The following INPP5D variants were observed in gnomAD, a reference collection of about 807,000 sequenced individuals.
The protein encoded by INPP5D is inositol polyphosphate-5-phosphatase D.
A neutral mutation model predicts 122.9 loss-of-function variants in INPP5D; 33 were observed. That is an observed-to-expected ratio of 0.27 (90% CI 0.20 to 0.36). The LOEUF is 0.36. Ranked by LOEUF, INPP5D falls within the 10% of genes least tolerant of loss-of-function variation. The pLI, the probability that INPP5D is intolerant of heterozygous loss-of-function variation, is 1.00. For missense variants in INPP5D, 1,053 were observed against 1,412.7 expected, an observed-to-expected ratio of 0.75 and a Z score of 4.08; for synonymous variants, 584 against 576.2, an observed-to-expected ratio of 1.01 and a Z score of -0.19.
chr2:233,198,034 C>G, intron 24 of INPP5D, 61 bp from the exon 25 acceptor site: 1 of 1,473,704 alleles, frequency 6.8e-7, no homozygotes, highest in Non-Finnish European at 9.0e-7. Context: ...TTTCCTTGGG[C>G]TGGTGCTGAC....
chr2:233,131,148 C>A (rs1693315023), intron 5 of INPP5D: 1 of 978,746 alleles, frequency 1.0e-6, no homozygotes, highest in Non-Finnish European at 1.2e-6. Flanking sequence ...ATGTCCGATC[C>A]ATTGAATGAC....
chr2:233,082,659 T>C lies in INPP5D; in HGVS notation c.198+3261T>C, dbSNP rs1691720528. On this transcript the variant is annotated intron_variant, in intron 2 of 26. Transcript: ENST00000445964. The surrounding 1 kb of genome is among the most constrained non-coding windows in gnomAD (Gnocchi z 4.7). ...GAGTTGGCCCACGTGTCATAGCCCA[T>C]GACAGCCCTGTATCAATCAGGGAGA... Among the ~76,000 whole-genome samples the C allele has an allele frequency of 6.6e-6, 1 of 152,166 alleles. No individual in the cohort carries two copies. The highest frequency in any genetic ancestry group is 2.1e-4 in the South Asian group (1 of 4,820).
At chr2:233,178,871 T>C (rs1437771476) in intron 18 of INPP5D, among the ~76,000 whole-genome samples, 2 of 151,674 alleles carry the variant, frequency 1.3e-5, no homozygotes, top group Non-Finnish European at 2.9e-5. Flanking sequence ...AGGAGAGGGG[T>C]GGGGGAATGC....
At chr2:233,114,341 G>T (rs1159889082) in intron 2 of INPP5D, among the ~76,000 whole-genome samples, 1 of 152,232 alleles carries the variant, frequency 6.6e-6, no homozygotes, top group Non-Finnish European at 1.5e-5. Context: ...ATTTGGGGGA[G>T]AGGAGGTGGT....
At chr2:233,097,853 T>A (rs1692190107) in intron 2 of INPP5D, among the ~76,000 whole-genome samples, 1 of 152,030 alleles carries the variant, frequency 6.6e-6, no homozygotes, top group South Asian at 2.1e-4. Flanking sequence ...CGTGCAATGC[T>A]GCAGATCAGT....
chr2:233,167,212 A>AAAG (rs1228114562), intron 13 of INPP5D, among the ~76,000 whole-genome samples: 1 of 150,810 alleles, frequency 6.6e-6, no homozygotes, highest in Non-Finnish European at 1.5e-5. Context: ...TTCTACAAAA[A>AAAG]AAAAAAAAAA....
Position 233,125,903 on chromosome 2 carries a change from A to T in INPP5D, c.508A>T (p.Ser170Cys). 1.9e-6 allele frequency: 3 copies of T among 1,613,680 alleles called. No homozygotes were observed. Among genetic ancestry groups the T allele is most frequent in the Non-Finnish European group, 2.5e-6 (3 of 1,179,792 alleles). Residue 170 changes from serine to cysteine, a missense_variant, in exon 4 of 27, where the codon AGC becomes TGC. Ser to Cys is a moderately radical substitution (Grantham distance 112). Transcript: ENST00000445964. ...LSETLFQRLQ[S>C]MDTSGLPEEH... Reference sequence around the variant, plus strand: ...CGAGACATTGTTCCAGCGACTGCAAAGCATGGACACCAGTGGGTGAGTCCC... The same window carrying T: ...CGAGACATTGTTCCAGCGACTGCAATGCATGGACACCAGTGGGTGAGTCCC...
At chr2:233,096,600 C>T (rs563913609) in intron 2 of INPP5D, among the ~76,000 whole-genome samples, 14 of 151,772 alleles carry the variant, frequency 9.2e-5, no homozygotes, top group African/African-American at 2.4e-4. Flanking sequence ...TGCAGCGAGC[C>T]GAGATCACAC....
At position 233,206,507 on chromosome 2, in the gene INPP5D, A is replaced by G. The variant is rs1291004626; in HGVS notation, c.3568-199A>G. Among the ~76,000 whole-genome samples, 1 of 152,178 alleles carries G rather than the reference A, an allele frequency of 6.6e-6. No homozygotes were observed. The highest frequency in any genetic ancestry group is 2.4e-5 in the African/African-American group (1 of 41,442). The stretch of plus-strand genomic sequence containing the variant: ...GCACCACTGCACTCCAGACTAGGCA[A>G]CAGAGTAAGACCCCATTTCTAAAAA... On this transcript the variant is annotated intron_variant, in intron 26 of 26. Transcript: ENST00000445964. The surrounding 1 kb of genome is among the most constrained non-coding windows in gnomAD (Gnocchi z 4.0).
chr2:233,167,566 G>A (rs902243186), intron 13 of INPP5D, among the ~76,000 whole-genome samples: 1 of 152,166 alleles, frequency 6.6e-6, no homozygotes, highest in Non-Finnish European at 1.5e-5. Flanking sequence ...GTTGCGGGCA[G>A]AGGGGCAGGG....
intron 2 of INPP5D, among the ~76,000 whole-genome samples, chr2:233,108,757 G>A (rs566810476): frequency 1.3e-5 from 2 of 152,248 alleles, no homozygotes; most frequent in South Asian, 2.1e-4. Flanking sequence ...AGGGCAGCAC[G>A]GGGCACCGTT....
chr2:233,190,022 A>G, intron 22 of INPP5D, 85 bp downstream of exon 22: 2 of 1,548,760 alleles, frequency 1.3e-6, no homozygotes, highest in Non-Finnish European at 8.7e-7. Flanking sequence ...CTCACCTGGC[A>G]CTTCCGGTCA....
intron 10 of INPP5D, among the ~76,000 whole-genome samples, chr2:233,159,345 A>C (rs1437245937): frequency 6.6e-6 from 1 of 152,240 alleles, no homozygotes; most frequent in Non-Finnish European, 1.5e-5. Context: ...CGTGTGAGGC[A>C]GTAAAAATGG....
intron 9 of INPP5D, among the ~76,000 whole-genome samples, chr2:233,149,100 CTTT>C (rs556971192): frequency 0.027 from 2,817 of 106,010 alleles, 64 homozygotes; most frequent in African/African-American, 0.1. Context: ...TGATCAGCAC[CTTT>C]TTTTTTTTTT....
intron 26 of INPP5D, 31 bp downstream of exon 26, chr2:233,204,748 A>T: frequency 2.1e-6 from 3 of 1,445,682 alleles, no homozygotes; most frequent in Non-Finnish European, 2.7e-6. Flanking sequence ...GTTCGTGTGC[A>T]TTTGTGTGTG....
chr2:233,205,269 T>A (rs1322710131), intron 26 of INPP5D: 1 of 138,540 alleles, frequency 7.2e-6, no homozygotes, highest in Non-Finnish European at 1.5e-5. Flanking sequence ...CGCTTGAACC[T>A]GGGAGGCAGA....
At chr2:233,086,252 C>T (rs912241813) in intron 2 of INPP5D, among the ~76,000 whole-genome samples, 1 of 150,936 alleles carries the variant, frequency 6.6e-6, no homozygotes, top group Non-Finnish European at 1.5e-5. Flanking sequence ...GATCTCGGCT[C>T]ACCACAACCT....
intron 1 of INPP5D, among the ~76,000 whole-genome samples, chr2:233,075,619 A>G (rs74269688): frequency 0.14 from 21,921 of 151,730 alleles, 1,802 homozygotes; most frequent in South Asian, 0.33. Context: ...GTGTGTGTGT[A>G]TATAGGACCA....
chr2:233,132,325 GT>G (rs1458488289), intron 5 of INPP5D, among the ~76,000 whole-genome samples: 1 of 152,208 alleles, frequency 6.6e-6, no homozygotes, highest in Non-Finnish European at 1.5e-5. Flanking sequence ...TCTGCACATT[GT>G]TAGATTTCCC....
Sources: allele counts gnomAD v4.1 joint callset (sites outside exome capture counted in the v4.1 genomes callset), GRCh38; gene constraint gnomAD v4.1.1; non-coding constraint Gnocchi (gnomAD v3.1); transcripts MANE v1.5; gene names NCBI Gene and HGNC (gene_info 2026-07-23, HGNC 2026-07-21).